The following PHEX variants were observed in gnomAD, a reference collection of about 807,000 sequenced individuals.
PHEX encodes phosphate-regulating neutral endopeptidase PHEX.
In PHEX, 16 loss-of-function variants were observed where a neutral mutation model predicts 68.0. The ratio of observed to expected loss-of-function variants is 0.24; its 90% confidence interval spans 0.16 to 0.36. The LOEUF (loss-of-function observed/expected upper bound fraction) is 0.36. PHEX is among the 10% of genes least tolerant of loss of function. The pLI, the probability that PHEX is intolerant of heterozygous loss-of-function variation, is 1.00. For missense variants in PHEX, 480 were observed against 575.5 expected, an observed-to-expected ratio of 0.83 and a Z score of 1.70; for synonymous variants, 208 against 205.1, an observed-to-expected ratio of 1.01 and a Z score of -0.12.
chrX:22,118,525 C>A (rs1467584290), intron 11 of PHEX, among the ~76,000 whole-genome samples: 1 of 110,045 alleles, frequency 9.1e-6, no homozygotes, highest in South Asian at 3.9e-4. Flanking sequence ...AAAAACCCTG[C>A]GTTAGGACCT....
chrX:22,142,861 G>C (rs990695760), intron 12 of PHEX, among the ~76,000 whole-genome samples: 4 of 112,406 alleles, frequency 3.6e-5, no homozygotes, highest in African/African-American at 9.7e-5. Flanking sequence ...CCAATGTATT[G>C]TTCTGTTTAA....
chrX:22,185,178 C>G (rs368545587), intron 14 of PHEX, among the ~76,000 whole-genome samples: 31 of 112,077 alleles, frequency 2.8e-4, no homozygotes, highest in African/African-American at 9.1e-4. Flanking sequence ...CCTCTCCTTA[C>G]CTTATCCACC....
intron 3 of PHEX, among the ~76,000 whole-genome samples, chrX:22,056,763 AAATAAT>A (rs59624310): frequency 0.015 from 1,423 of 93,255 alleles, 15 homozygotes; most frequent in African/African-American, 0.032. Flanking sequence ...CTCTGTCTCA[AAATAAT>A]AATAATAATA....
chrX:22,036,054 ATTTTT>A (rs72347239), intron 1 of PHEX, among the ~76,000 whole-genome samples: 42 of 56,682 alleles, frequency 7.4e-4, no homozygotes, highest in East Asian at 1.8e-3. Flanking sequence ...ATATATATAT[ATTTTT>A]TTTTTTTTTT....
chrX:22,117,958 A>G lies in PHEX; in HGVS notation c.1302+3372A>G, dbSNP rs186143360. Among the ~76,000 whole-genome samples, 14 of 110,773 alleles carry G rather than the reference A, an allele frequency of 1.3e-4. No individual in the cohort carries two copies. The East Asian group carries it at 3.9e-3, about 31-fold the overall frequency. On this transcript the variant is annotated intron_variant, in intron 11 of 21. Coordinates refer to ENST00000379374, the MANE Select transcript of PHEX (RefSeq NM_000444.6). ...GGAACCACTGATTTACTTGAAAAACATTCAGTATTATTAGCTACAGTCTAA... is the reference window on the plus strand; with the variant it reads ...GGAACCACTGATTTACTTGAAAAACGTTCAGTATTATTAGCTACAGTCTAA...
intron 3 of PHEX, among the ~76,000 whole-genome samples, chrX:22,066,821 T>G (rs2147007755): frequency 8.9e-6 from 1 of 111,904 alleles, no homozygotes; most frequent in South Asian, 3.7e-4. Flanking sequence ...AACCTATGTT[T>G]ACAGTGTTTT....
At chrX:22,186,372 C>T (rs921701499) in intron 14 of PHEX, among the ~76,000 whole-genome samples, 2 of 112,195 alleles carry the variant, frequency 1.8e-5, no homozygotes, top group African/African-American at 3.2e-5. Context: ...AAGTGAGTCA[C>T]TAAGGCTAAC....
At chrX:22,127,164 G>A (rs1480248989) in intron 11 of PHEX, among the ~76,000 whole-genome samples, 1 of 110,646 alleles carries the variant, frequency 9.0e-6, no homozygotes, top group African/African-American at 3.3e-5. Context: ...GAGCCATTGC[G>A]CCCTGCCCCT....
At chrX:22,213,190 C>G in intron 16 of PHEX, among the ~76,000 whole-genome samples, 1 of 112,176 alleles carries the variant, frequency 8.9e-6, no homozygotes, top group Non-Finnish European at 1.9e-5. Flanking sequence ...CATTTTTATG[C>G]ATTTATTCTC....
intron 11 of PHEX, among the ~76,000 whole-genome samples, chrX:22,123,950 GC>G (rs1931606307): frequency 9.3e-6 from 1 of 107,862 alleles, no homozygotes; most frequent in Admixed American, 1.0e-4. Flanking sequence ...TCCCGCCTCA[GC>G]CTCCCAAGTA....
intron 11 of PHEX, among the ~76,000 whole-genome samples, chrX:22,125,929 C>G (rs2147077596): frequency 9.1e-6 from 1 of 110,306 alleles, no homozygotes; most frequent in Non-Finnish European, 1.9e-5. Context: ...TCTCTTTATA[C>G]TATTGGAATA....
intron 12 of PHEX, among the ~76,000 whole-genome samples, chrX:22,146,991 T>A (rs980355497): frequency 2.7e-5 from 3 of 111,390 alleles, no homozygotes; most frequent in Admixed American, 1.9e-4. Flanking sequence ...TGGTTGTCTG[T>A]GGGACTTTGA....
At chrX:22,157,558 C>T (rs956158375) in intron 12 of PHEX, among the ~76,000 whole-genome samples, 2 of 112,436 alleles carry the variant, frequency 1.8e-5, no homozygotes, top group African/African-American at 6.5e-5. Flanking sequence ...GTAAGAGGAG[C>T]ATCACAAAGA....
At chrX:22,112,396 G>C (rs1325715644) in intron 10 of PHEX, among the ~76,000 whole-genome samples, 1 of 111,861 alleles carries the variant, frequency 8.9e-6, no homozygotes, top group Non-Finnish European at 1.9e-5. Flanking sequence ...CCTACCACTA[G>C]AGGCCGTAAG....
chrX:22,213,961 A>G (rs952842764), intron 16 of PHEX, among the ~76,000 whole-genome samples: 3 of 112,209 alleles, frequency 2.7e-5, no homozygotes, highest in Non-Finnish European at 3.8e-5. Context: ...TGGAGAATTG[A>G]GACAGTGAGG....
intron 15 of PHEX, among the ~76,000 whole-genome samples, chrX:22,209,744 G>T (rs199763504): frequency 1.5e-5 from 1 of 68,365 alleles, no homozygotes; most frequent in African/African-American, 7.5e-5. Flanking sequence ...TGCTCCCTCT[G>T]CTCCCTCTCC....
chrX:22,205,396 A>G (rs1934678075), intron 15 of PHEX, among the ~76,000 whole-genome samples: 1 of 111,802 alleles, frequency 8.9e-6, no homozygotes. Context: ...TAAGAATGAA[A>G]TGCTCCTGAA....
intron 16 of PHEX, 48 bp from the exon 17 acceptor site, chrX:22,218,988 T>C: frequency 1.1e-6 from 1 of 880,482 alleles, no homozygotes; most frequent in Non-Finnish European, 1.7e-6. Flanking sequence ...GATTATGCTC[T>C]GAGATTCATG....
chrX:22,175,334 T>C (rs1332427993), intron 13 of PHEX, among the ~76,000 whole-genome samples: 1 of 109,175 alleles, frequency 9.2e-6, no homozygotes, highest in Non-Finnish European at 1.9e-5. Context: ...TGGGACCCTT[T>C]TCTTCTTTAC....
Sources: gnomAD v4.1 joint callset for allele counts (sites outside exome capture counted in the v4.1 genomes callset) on GRCh38, gnomAD v4.1.1 for gene constraint, MANE v1.5 for transcripts, NCBI Gene and HGNC (gene_info 2026-07-23, HGNC 2026-07-21) for gene names.